Variants in USH2A observed in about 807,000 individuals in gnomAD.
The protein encoded by USH2A is Usher syndrome 2A (autosomal recessive, mild).
A neutral mutation model predicts 538.9 loss-of-function variants in USH2A; 443 were observed. That is an observed-to-expected ratio of 0.82 (90% CI 0.76 to 0.89). The LOEUF is 0.89. Among genes scored for constraint, USH2A ranks in the 40% least tolerant of loss-of-function variants. The pLI, the probability that USH2A is intolerant of heterozygous loss-of-function variation, is 0.00. For synonymous variants in USH2A, 2,413 were observed against 2,273.5 expected, an observed-to-expected ratio of 1.06 and a Z score of -1.75; for missense variants, 6,633 against 6,324.8, an observed-to-expected ratio of 1.05 and a Z score of -1.65.
chr1:215,640,336 C>T (rs963223864), intron 68 of USH2A, among the ~76,000 whole-genome samples: 1 of 152,176 alleles, frequency 6.6e-6, no homozygotes, highest in Admixed American at 6.5e-5. Context: ...GGAGGCAGCG[C>T]TGTCCCCTTG....
chr1:216,198,350 G>A lies in USH2A; in HGVS notation c.4046C>T (p.Ser1349Phe), dbSNP rs145148501. 2.4e-5 allele frequency: 38 copies of A among 1,613,994 alleles called. No homozygotes were observed. In the African/African-American group the frequency reaches 3.2e-4, roughly 14 times the overall value. Reference sequence around the variant, plus strand: ...CGTTCTTTCTGAGACCCAGGCAGAAGACACACTTCCAGCCATATTCACAGC... The same window carrying A: ...CGTTCTTTCTGAGACCCAGGCAGAAAACACACTTCCAGCCATATTCACAGC... ...VLAVNMAGSV[S>F]SAWVSERTGE... Residue 1349 changes from serine to phenylalanine, a missense_variant, in exon 18 of 72, where the codon TCT becomes TTT. Physicochemically the swap from Ser to Phe is radical, Grantham distance 155. Transcript: ENST00000307340.
intron 47 of USH2A, among the ~76,000 whole-genome samples, chr1:215,825,940 A>T (rs1049107298): frequency 6.6e-6 from 1 of 152,206 alleles, no homozygotes; most frequent in African/African-American, 2.4e-5. Context: ...TTGTCCTTGG[A>T]GGAAAATGTG....
chr1:216,122,060 T>C (rs1202857074), intron 21 of USH2A, among the ~76,000 whole-genome samples: 1 of 152,070 alleles, frequency 6.6e-6, no homozygotes, highest in Admixed American at 6.6e-5. Flanking sequence ...ATAATGAAAA[T>C]GTAGGGCTGT....
intron 21 of USH2A, among the ~76,000 whole-genome samples, chr1:216,164,390 A>C (rs2034126135): frequency 6.6e-6 from 1 of 152,106 alleles, no homozygotes; most frequent in South Asian, 2.1e-4. Flanking sequence ...TGACTTGAAA[A>C]CTATTGATAA....
intron 49 of USH2A, among the ~76,000 whole-genome samples, chr1:215,803,454 T>C (rs149741533): frequency 0.018 from 2,744 of 152,208 alleles, 86 homozygotes; most frequent in African/African-American, 0.063. Flanking sequence ...ACAACATCAA[T>C]GTGCAAAAAT....
chr1:215,953,279 C>A (rs1293168062), intron 37 of USH2A, among the ~76,000 whole-genome samples: 4 of 152,234 alleles, frequency 2.6e-5, no homozygotes, highest in East Asian at 1.9e-4. Flanking sequence ...GCCAAAAGAA[C>A]AAAGCTGGAG....
Position 215,670,896 on chromosome 1 carries a change from T to C in USH2A, c.14133+76A>G. On this transcript the variant is annotated intron_variant, in intron 64 of 71. Transcript: ENST00000307340. ...CATTTCTTTAAGTGCCTTTTCAAAT[T>C]GTGCACCATTTTTACAGGCAGGTGC... 4 of 1,454,574 alleles carry C rather than the reference T, an allele frequency of 2.7e-6. No individual in the cohort carries two copies. In the Admixed American group the frequency reaches 7.0e-5, roughly 25 times the overall value. 90.1% of individuals were successfully genotyped at this position (1,454,574 alleles called of 1,614,324 possible).
At position 215,622,948 on chromosome 1, in the gene USH2A, T is replaced by C. The variant is rs1655840658; in HGVS notation, c.*2833A>G. 6.6e-6 allele frequency: 1 copy of C among 152,212 alleles called. No individual in the cohort carries two copies. Among genetic ancestry groups the C allele is most frequent in the South Asian group, 2.1e-4 (1 of 4,826 alleles). 9.4% of individuals were successfully genotyped at this position (152,212 alleles called of 1,614,324 possible). ...CATCTTTAGATTAGTTTACATGATATTTGTGCATTGGAAACCAACTATTCA... is the reference window on the plus strand; with the variant it reads ...CATCTTTAGATTAGTTTACATGATACTTGTGCATTGGAAACCAACTATTCA... On this transcript the variant is annotated 3_prime_UTR_variant, in exon 72 of 72. Transcript: ENST00000307340.
In USH2A at chr1:216,210,112, G is replaced by A. The variant is rs990210659; in HGVS notation, c.3158-2681C>T. Among the ~76,000 whole-genome samples, 3 of 152,034 alleles carry A rather than the reference G, an allele frequency of 2.0e-5. 1 individual carries two copies. The highest frequency in any genetic ancestry group is 6.6e-5 in the Admixed American group (1 of 15,246). ...GAGAGGCCAAGAAGACTCTGAATAG[G>A]CAGCCTTGCAGGGTTTCCCCACTCA... On this transcript the variant is annotated intron_variant, in intron 15 of 71. Coordinates refer to ENST00000307340, the MANE Select transcript of USH2A (RefSeq NM_206933.4).
At chr1:216,064,424 A>G (rs1037567687) in intron 30 of USH2A, among the ~76,000 whole-genome samples, 1 of 152,034 alleles carries the variant, frequency 6.6e-6, no homozygotes. Flanking sequence ...AGGAAACTGG[A>G]GTACCCAGAG....
In USH2A at chr1:215,790,189, T is replaced by G; in HGVS notation, c.10052A>C (p.Asn3351Thr). The stretch of plus-strand genomic sequence containing the variant: ...ACAGCATTTTACTGGCACCGGGTCA[T>G]TCTTTTTAATATGTGCTTTAGACTC... ...SGESKAHIKK[N>T]DPVPVKCCET... The change falls in exon 51 of 72, where the codon AAT becomes ACT. Residue 3351 changes from asparagine (N) to threonine (T), a missense_variant. Transcript: ENST00000307340. 6.2e-7 allele frequency: 1 copy of G among 1,614,130 alleles called. No individual in the cohort carries two copies. The highest frequency in any genetic ancestry group is 8.5e-7 in the Non-Finnish European group (1 of 1,180,008).
intron 58 of USH2A, among the ~76,000 whole-genome samples, chr1:215,745,051 A>T (rs868205140): frequency 2.2e-4 from 33 of 152,112 alleles, no homozygotes; most frequent in Admixed American, 1.0e-3. Context: ...CTAAAACAGA[A>T]CTAGCTGTAT....
chr1:216,138,153 C>T (rs1157797122), intron 21 of USH2A, among the ~76,000 whole-genome samples: 1 of 152,006 alleles, frequency 6.6e-6, no homozygotes, highest in Non-Finnish European at 1.5e-5. Flanking sequence ...CATGTTGCTA[C>T]AGATTATAAG....
rs142592889 is a variant in USH2A, at chr1:216,128,868, G to A, written c.4628-31655C>T. 6.0e-3 allele frequency among the ~76,000 whole-genome samples: 910 copies of A among 151,658 alleles called. 6 individuals carry two copies. Among genetic ancestry groups the A allele is most frequent in the South Asian group, 0.024 (116 of 4,802 alleles). On this transcript the variant is annotated intron_variant, in intron 21 of 71. Transcript: ENST00000307340. ...ATTCCTTCTATCTAATTGTACTTCCGTTCCCATTACCCATTACCGAACACT... is the reference window on the plus strand; with the variant it reads ...ATTCCTTCTATCTAATTGTACTTCCATTCCCATTACCCATTACCGAACACT...
chr1:215,916,549 C>T (rs564729530), intron 38 of USH2A, among the ~76,000 whole-genome samples: 16 of 152,116 alleles, frequency 1.1e-4, no homozygotes, highest in Non-Finnish European at 1.6e-4. Flanking sequence ...AGTCAAAATT[C>T]GTGCAAATAT....
intron 31 of USH2A, 86 bp downstream of exon 31, chr1:216,048,448 C>A: frequency 1.5e-6 from 2 of 1,374,776 alleles, no homozygotes; most frequent in South Asian, 1.2e-5. Flanking sequence ...GGTTTGCCAG[C>A]AAATGGCCTT....
Position 216,012,265 on chromosome 1 carries a change from A to G in USH2A, c.6326-11703T>C, listed in dbSNP as rs1257955810. ...CATTTTCTTTACATCATGGAAATCT[A>G]TCCTCAAGGAAATAACTTCTCAGTG... On this transcript the variant is annotated intron_variant, in intron 32 of 71. Coordinates refer to ENST00000307340, the MANE Select transcript of USH2A (RefSeq NM_206933.4). Among the ~76,000 whole-genome samples the G allele has an allele frequency of 2.0e-5, 3 of 152,040 alleles. No homozygotes were observed. In the East Asian group the frequency reaches 5.8e-4, roughly 29 times the overall value.
chr1:215,842,261 C>T (rs986899630), intron 46 of USH2A, among the ~76,000 whole-genome samples: 1 of 152,148 alleles, frequency 6.6e-6, no homozygotes, highest in African/African-American at 2.4e-5. Context: ...CAGTGAGATA[C>T]CATTTCATGC....
chr1:216,404,737 T>C (rs73102505), intron 3 of USH2A, among the ~76,000 whole-genome samples: 9,397 of 149,654 alleles, frequency 0.063, 765 homozygotes, highest in African/African-American at 0.19. Context: ...TCTTCCTTCC[T>C]CAGCTCCTGA....
Sources: gnomAD v4.1 joint callset for allele counts (sites outside exome capture counted in the v4.1 genomes callset) on GRCh38, gnomAD v4.1.1 for gene constraint, MANE v1.5 for transcripts, NCBI Gene and HGNC (gene_info 2026-07-23, HGNC 2026-07-21) for gene names.